Variants in IREB2 observed in about 807,000 individuals in gnomAD.
IREB2 encodes the protein iron-responsive element-binding protein 2.
Under a neutral mutation model 118.8 loss-of-function variants are expected in IREB2, and 39 were observed. The observed-to-expected ratio is 0.33, with a 90% CI of 0.25 to 0.43. IREB2 has a LOEUF of 0.43. Ranked by LOEUF, IREB2 falls within the 20% of genes least tolerant of loss-of-function variation. IREB2 has a pLI of 1.00. For missense variants in IREB2, 900 were observed against 1,147.3 expected, an observed-to-expected ratio of 0.78 and a Z score of 3.11; for synonymous variants, 372 against 392.2, an observed-to-expected ratio of 0.95 and a Z score of 0.61.
chr15:78,438,918 C>CA (rs762574926), intron 1 of IREB2: 21,318 of 131,170 alleles, frequency 0.16, 1,876 homozygotes, highest in South Asian at 0.33. Flanking sequence ...CCTCCCTCTA[C>CA]AAAAAAAAAA....
In IREB2 at chr15:78,476,190, C is replaced by A; in HGVS notation, c.1026C>A (p.His342Gln). ...GTTTCTGTGTATTCCTTATATAGCACCTCAGGCAAGTAGGAGTGGCTGGAA... is the reference window on the plus strand; with the variant it reads ...GTTTCTGTGTATTCCTTATATAGCAACTCAGGCAAGTAGGAGTGGCTGGAA... ...SIDVVLGITK[H>Q]LRQVGVAGKF... The change falls in exon 9 of 22, where the codon CAC becomes CAA. Residue 342 changes from histidine (H) to glutamine (Q), a missense_variant and splice_region_variant. Physicochemically the swap from His to Gln is conservative, Grantham distance 24 (BLOSUM62 0). Transcript: ENST00000258886. The A allele has an allele frequency of 6.3e-7, 1 of 1,582,702 alleles. No homozygotes were observed. The highest frequency in any genetic ancestry group is 8.6e-7 in the Non-Finnish European group (1 of 1,156,230).
chr15:78,485,461 T>C (rs2051643005), intron 12 of IREB2, among the ~76,000 whole-genome samples: 1 of 152,240 alleles, frequency 6.6e-6, no homozygotes, highest in Admixed American at 6.5e-5. Context: ...TATGTGCACC[T>C]TTTGTTTACT....
At chr15:78,486,041 G>C (rs1459533110) in intron 13 of IREB2, among the ~76,000 whole-genome samples, 1 of 152,186 alleles carries the variant, frequency 6.6e-6, no homozygotes, top group Non-Finnish European at 1.5e-5. Flanking sequence ...CAAAGCACCA[G>C]GTTGGATACA....
In IREB2 at chr15:78,466,376, T is replaced by C. The variant is rs1189676223; in HGVS notation, c.516T>C (p.Thr172=). ...AGAAGCTTCCCTGCAGAGGCCAGAC[T>C]ACCTGCCGAGGATCTTGTGATTCTG... ...QPKKLPCRGQ[T]TCRGSCDSGE... is the part of the protein sequence containing the mutation. The change falls in exon 5 of 22, where the codon ACT becomes ACC. Residue 172 remains threonine (T), a synonymous_variant. Coordinates refer to ENST00000258886, the MANE Select transcript of IREB2 (RefSeq NM_004136.4). The C allele has an allele frequency of 1.2e-6, 2 of 1,614,064 alleles. No individual in the cohort carries two copies. Among genetic ancestry groups the C allele is most frequent in the African/African-American group, 2.7e-5 (2 of 75,062 alleles).
intron 2 of IREB2, among the ~76,000 whole-genome samples, chr15:78,457,979 A>C (rs777449764): frequency 2.6e-5 from 4 of 152,110 alleles, no homozygotes; most frequent in Admixed American, 6.5e-5. Flanking sequence ...AATATTGGTT[A>C]AGTGCCAACT....
chr15:78,472,351 CTTTTCTTTTTT>C (rs768596262), intron 7 of IREB2, among the ~76,000 whole-genome samples: 132 of 151,712 alleles, frequency 8.7e-4, no homozygotes, highest in Non-Finnish European at 1.7e-3. Context: ...TGGGCTGTCT[CTTTTCTTTTTT>C]TTTTCTTTTT....
intron 2 of IREB2, among the ~76,000 whole-genome samples, chr15:78,455,573 A>T (rs2051092451): frequency 9.8e-6 from 1 of 102,398 alleles, no homozygotes; most frequent in Non-Finnish European, 2.5e-5. Flanking sequence ...TCTATTGAAA[A>T]AAAAAAGAAA....
intron 16 of IREB2, among the ~76,000 whole-genome samples, 166 bp downstream of exon 16, chr15:78,488,937 C>T (rs930288143): frequency 1.3e-5 from 2 of 151,998 alleles, no homozygotes; most frequent in Non-Finnish European, 2.9e-5. Context: ...AAGAAAATGG[C>T]GGCTGGGCAC....
At chr15:78,474,357 T>G (rs1169648173) in intron 8 of IREB2, 1 of 152,206 alleles carries the variant, frequency 6.6e-6, no homozygotes, top group African/African-American at 2.4e-5. Context: ...CTTCCCTAAT[T>G]AGAAAAGAAT....
chr15:78,466,558 T>TC lies in IREB2; in HGVS notation c.629+70dup. The TC allele has an allele frequency of 8.0e-6, 8 of 1,001,698 alleles. No individual in the cohort carries two copies. The South Asian group carries it at 1.1e-4, about 14-fold the overall frequency. The allele number at this position is 1,001,698 out of a possible 1,614,324, so 62.1% of individuals were successfully genotyped here. A position where few individuals can be genotyped will look rare whatever the true frequency, so the allele number is the denominator to read the frequency against. ...TTCCAGTTAAGAAAATCAAATTTAT[T>TC]CTCTTCCCACCCAATTACTATTATG... On this transcript the variant is annotated intron_variant, in intron 5 of 21. Transcript: ENST00000258886.
At chr15:78,446,290 C>G (rs1408457171) in intron 2 of IREB2, among the ~76,000 whole-genome samples, 1 of 152,168 alleles carries the variant, frequency 6.6e-6, no homozygotes, top group Non-Finnish European at 1.5e-5. Context: ...CTAACATCAT[C>G]CTACTAGTCC....
At chr15:78,465,060 C>A (rs2051258707) in intron 3 of IREB2, among the ~76,000 whole-genome samples, 191 bp from the exon 4 acceptor site, 1 of 152,200 alleles carries the variant, frequency 6.6e-6, no homozygotes, top group African/African-American at 2.4e-5. Context: ...CCAAGTACTT[C>A]AGTTCTCAGA....
intron 20 of IREB2, among the ~76,000 whole-genome samples, 198 bp downstream of exon 20, chr15:78,494,462 C>G (rs1425329703): frequency 1.3e-5 from 2 of 152,118 alleles, no homozygotes; most frequent in Non-Finnish European, 2.9e-5. Flanking sequence ...CATTTTAATA[C>G]TCTGAGTTTG....
At chr15:78,497,081 A>C (rs768997403) in intron 20 of IREB2, 45 bp from the exon 21 acceptor site, 1 of 1,496,228 alleles carries the variant, frequency 6.7e-7, no homozygotes, top group Non-Finnish European at 9.2e-7. Flanking sequence ...TCAATAAATA[A>C]CTTTCAGAAG....
intron 20 of IREB2, 125 bp downstream of exon 20, chr15:78,494,389 G>T: frequency 1.1e-6 from 1 of 950,402 alleles, no homozygotes; most frequent in Non-Finnish European, 1.6e-6. Flanking sequence ...AGGTATAGAG[G>T]GTTTTGTTTG....
rs2051875353 is a variant in IREB2 at position 78,498,281 on chromosome 15, T to C, written c.*138T>C. ...ATCCATGGATGTAAATGATGATGAA[T>C]CAACATAGTAACTGAAATGAAATCT... is the stretch of plus-strand genomic sequence containing the variant. On this transcript the variant is annotated 3_prime_UTR_variant, in exon 22 of 22. Coordinates refer to ENST00000258886, the MANE Select transcript of IREB2 (RefSeq NM_004136.4). 1 of 531,300 alleles carries C rather than the reference T, an allele frequency of 1.9e-6. No homozygotes were observed. Among genetic ancestry groups the C allele is most frequent in the South Asian group, 2.8e-5 (1 of 35,386 alleles). 32.9% of individuals were successfully genotyped at this position (531,300 alleles called of 1,614,324 possible).
At chr15:78,453,862 G>A (rs922851781) in intron 2 of IREB2, among the ~76,000 whole-genome samples, 1 of 152,176 alleles carries the variant, frequency 6.6e-6, no homozygotes, top group African/African-American at 2.4e-5. Context: ...TTAGGATTTC[G>A]AATAGTGAGG....
rs529961474 is a variant in IREB2 at position 78,482,905 on chromosome 15, G to C, written c.1297-413G>C. On this transcript the variant is annotated intron_variant, in intron 10 of 21. Coordinates refer to ENST00000258886, the MANE Select transcript of IREB2 (RefSeq NM_004136.4). ...TGGGACTACAGGCGCCCACCACCAC[G>C]CCCGGCTAATTTTTTAGTAGAGACG... Among the ~76,000 whole-genome samples, 21 of 152,084 alleles carry C rather than the reference G, an allele frequency of 1.4e-4. 1 individual carries two copies. The highest frequency in any genetic ancestry group is 4.8e-4 in the African/African-American group (20 of 41,486).
At chr15:78,482,899 C>T (rs766750325) in intron 10 of IREB2, among the ~76,000 whole-genome samples, 5 of 152,128 alleles carry the variant, frequency 3.3e-5, no homozygotes, top group Non-Finnish European at 7.3e-5. Context: ...AGGCGCCCAC[C>T]ACCACGCCCG....
Sources: allele counts gnomAD v4.1 joint callset (sites outside exome capture counted in the v4.1 genomes callset), GRCh38; gene constraint gnomAD v4.1.1; transcripts MANE v1.5; gene names NCBI Gene and HGNC (gene_info 2026-07-23, HGNC 2026-07-21).